CCDC60: variants seen among roughly 807,000 people sequenced by gnomAD.
CCDC60 encodes coiled-coil domain-containing protein 60.
Under a neutral mutation model 63.5 loss-of-function variants are expected in CCDC60, and 54 were observed. That is an observed-to-expected ratio of 0.85 (90% CI 0.68 to 1.07). CCDC60 has a LOEUF of 1.07. Among genes scored for constraint, CCDC60 ranks in the 50% least tolerant of loss-of-function variants. CCDC60 has a pLI of 0.00. For missense variants in CCDC60, 651 were observed against 684.3 expected (o/e 0.95, Z 0.54); for synonymous variants, 206 against 238.8 (o/e 0.86, Z 1.27).
chr12:119,352,467 CA>C (rs1348024446), intron 1 of CCDC60, among the ~76,000 whole-genome samples: 18 of 152,256 alleles, frequency 1.2e-4, no homozygotes, highest in African/African-American at 3.4e-4. Flanking sequence ...GATAAGAAAA[CA>C]AAGGCTCAGA....
At chr12:119,499,684 A>C (rs1258633786) in intron 5 of CCDC60, among the ~76,000 whole-genome samples, 2 of 152,188 alleles carry the variant, frequency 1.3e-5, no homozygotes, top group African/African-American at 2.4e-5. Context: ...TCTCTCAGAA[A>C]TGTCCCTGAT....
chr12:119,441,178 G>A (rs1016138672), intron 2 of CCDC60, among the ~76,000 whole-genome samples: 1 of 152,176 alleles, frequency 6.6e-6, no homozygotes, highest in Admixed American at 6.5e-5. Flanking sequence ...ATGATACAGG[G>A]CGGGGGGAGT....
chr12:119,472,872 C>T lies in CCDC60; in HGVS notation c.341+708C>T, dbSNP rs544048391. Among the ~76,000 whole-genome samples the T allele has an allele frequency of 2.6e-5, 4 of 152,222 alleles. No individual in the cohort carries two copies. In the East Asian group the frequency reaches 5.8e-4, roughly 22 times the overall value. On this transcript the variant is annotated intron_variant, in intron 3 of 13. Transcript: ENST00000327554. The stretch of plus-strand genomic sequence containing the variant: ...CTGGGATTACAAGTGTGAGCCACCA[C>T]GCCCGGCCTCCTTTTTTTGTAAAGG...
intron 13 of CCDC60, among the ~76,000 whole-genome samples, chr12:119,534,723 G>A (rs1180731711): frequency 1.3e-5 from 2 of 152,196 alleles, no homozygotes; most frequent in African/African-American, 4.8e-5. Context: ...TACGTTTATT[G>A]ATTTGCATAT....
At chr12:119,514,563 A>T (rs1044266665) in intron 7 of CCDC60, among the ~76,000 whole-genome samples, 142 of 152,302 alleles carry the variant, frequency 9.3e-4, no homozygotes, top group African/African-American at 3.3e-3. Context: ...CAAGGATATT[A>T]AAAAAGAAAA....
rs1956570990 is a variant in CCDC60 at position 119,410,221 on chromosome 12, G to A, written c.91-18462G>A. On this transcript the variant is annotated intron_variant, in intron 1 of 13. Transcript: ENST00000327554. The surrounding 1 kb of genome is among the most constrained non-coding windows in gnomAD (Gnocchi z 4.0). ...TGTGTCTGTGTGTGTGTGTGTGTGT[G>A]GTTTCCAAATCTCTCTGGAAGGATA... Among the ~76,000 whole-genome samples the A allele has an allele frequency of 6.6e-6, 1 of 150,994 alleles. No homozygotes were observed. The highest frequency in any genetic ancestry group is 2.4e-5 in the African/African-American group (1 of 40,982).
chr12:119,408,874 A>C (rs1427666044), intron 1 of CCDC60, among the ~76,000 whole-genome samples: 1 of 152,102 alleles, frequency 6.6e-6, no homozygotes, highest in Non-Finnish European at 1.5e-5. Context: ...ATTGGCACCA[A>C]CCTAATAAGT....
intron 1 of CCDC60, among the ~76,000 whole-genome samples, chr12:119,377,272 A>AAAAAAAAG (rs1289679618): frequency 6.6e-6 from 1 of 150,450 alleles, no homozygotes; most frequent in Non-Finnish European, 1.5e-5. Context: ...AAAAAAAAAA[A>AAAAAAAAG]AAAAAAAGAA....
intron 7 of CCDC60, among the ~76,000 whole-genome samples, chr12:119,511,954 A>C (rs1236887015): frequency 6.6e-6 from 1 of 152,178 alleles, no homozygotes; most frequent in African/African-American, 2.4e-5. Context: ...TGGCATGACA[A>C]GACAAAAATA....
chr12:119,338,716 G>A (rs888741976), intron 1 of CCDC60, among the ~76,000 whole-genome samples: 7 of 152,162 alleles, frequency 4.6e-5, no homozygotes, highest in Non-Finnish European at 1.0e-4. Context: ...GAAAGGGAAC[G>A]ACACCTAAAA....
At chr12:119,403,054 G>A (rs1956421579) in intron 1 of CCDC60, among the ~76,000 whole-genome samples, 1 of 152,176 alleles carries the variant, frequency 6.6e-6, no homozygotes, top group Admixed American at 6.5e-5. Context: ...TCTTTCTTCT[G>A]TGTTGCCTTC....
chr12:119,527,741 A>G (rs1280411411), intron 11 of CCDC60, among the ~76,000 whole-genome samples: 1 of 138,602 alleles, frequency 7.2e-6, no homozygotes. Flanking sequence ...CAGTGGCGCA[A>G]TCTCGGCTCA....
At chr12:119,459,871 G>A (rs1950823722) in intron 2 of CCDC60, among the ~76,000 whole-genome samples, 1 of 152,214 alleles carries the variant, frequency 6.6e-6, no homozygotes, top group South Asian at 2.1e-4. Flanking sequence ...CAGGGAGGCT[G>A]ATTTGACTAT....
chr12:119,439,703 G>T (rs1392899831), intron 2 of CCDC60, among the ~76,000 whole-genome samples: 1 of 152,196 alleles, frequency 6.6e-6, no homozygotes, highest in Non-Finnish European at 1.5e-5. Flanking sequence ...TGTAGTCACA[G>T]ATGTTTAAGA....
chr12:119,344,521 C>A (rs1005893928), intron 1 of CCDC60, among the ~76,000 whole-genome samples: 1 of 152,114 alleles, frequency 6.6e-6, no homozygotes, highest in East Asian at 1.9e-4. Context: ...GTCCATAGCA[C>A]CATTATTTCT....
At chr12:119,478,703 G>A (rs1277689402) in intron 3 of CCDC60, among the ~76,000 whole-genome samples, 2 of 149,444 alleles carry the variant, frequency 1.3e-5, no homozygotes, top group African/African-American at 2.5e-5. Context: ...TGCCTCCCGG[G>A]TTCAAGAGAT....
At chr12:119,462,971 T>G (rs1365393627) in intron 2 of CCDC60, among the ~76,000 whole-genome samples, 1 of 152,062 alleles carries the variant, frequency 6.6e-6, no homozygotes, top group African/African-American at 2.4e-5. Flanking sequence ...CTACAGGCGC[T>G]TGCCACCACG....
intron 1 of CCDC60, among the ~76,000 whole-genome samples, chr12:119,369,770 C>T (rs1955879205): frequency 6.6e-6 from 1 of 152,146 alleles, no homozygotes; most frequent in Non-Finnish European, 1.5e-5. Context: ...TTGTTAATTA[C>T]TATTGCCTGC....
intron 1 of CCDC60, among the ~76,000 whole-genome samples, chr12:119,414,029 C>CT (rs988810288): frequency 6.6e-6 from 1 of 151,718 alleles, no homozygotes; most frequent in Admixed American, 6.6e-5. Context: ...CTCTGGTTTG[C>CT]TTTTTTTTAG....
Sources: allele counts gnomAD v4.1 joint callset (sites outside exome capture counted in the v4.1 genomes callset), GRCh38; gene constraint gnomAD v4.1.1; non-coding constraint Gnocchi (gnomAD v3.1); transcripts MANE v1.5; gene names NCBI Gene and HGNC (gene_info 2026-07-23, HGNC 2026-07-21).